Variants in ZSWIM6 observed in about 807,000 individuals in gnomAD.
ZSWIM6 encodes zinc finger SWIM domain-containing protein 6.
In ZSWIM6, 9 loss-of-function variants were observed where a neutral mutation model predicts 113.2. That is an observed-to-expected ratio of 0.08 (90% CI 0.05 to 0.14). The LOEUF is 0.14. ZSWIM6 is among the 10% of genes least tolerant of loss of function. The probability of loss-of-function intolerance (pLI) is 1.00; values close to 1 mark genes in which losing one functional copy is unlikely to be tolerated. For synonymous variants in ZSWIM6, 611 were observed against 606.5 expected, an observed-to-expected ratio of 1.01 and a Z score of -0.11; for missense variants, 1,162 against 1,552.2, an observed-to-expected ratio of 0.75 and a Z score of 4.22.
At chr5:61,429,215 GT>G (rs1392578286) in intron 1 of ZSWIM6, among the ~76,000 whole-genome samples, 1 of 152,182 alleles carries the variant, frequency 6.6e-6, no homozygotes, top group African/African-American at 2.4e-5. Context: ...AGGGGGTAGG[GT>G]TTGTTACAGA....
At chr5:61,455,786 C>T (rs865988594) in intron 1 of ZSWIM6, among the ~76,000 whole-genome samples, 15 of 151,126 alleles carry the variant, frequency 9.9e-5, no homozygotes, top group Admixed American at 6.6e-4. Flanking sequence ...TTAGATTCCC[C>T]GCCCCGGCCT....
intron 1 of ZSWIM6, chr5:61,391,353 C>T: frequency 4.8e-6 from 4 of 827,622 alleles, no homozygotes; most frequent in Non-Finnish European, 8.6e-6. Flanking sequence ...TCCTCTGGTG[C>T]AGAGGAAGCA....
chr5:61,424,062 T>C (rs759330469), intron 1 of ZSWIM6, among the ~76,000 whole-genome samples: 2 of 152,192 alleles, frequency 1.3e-5, no homozygotes, highest in Admixed American at 6.5e-5. Context: ...TCTGAGTTGC[T>C]ATCTCAAAAG....
intron 1 of ZSWIM6, among the ~76,000 whole-genome samples, chr5:61,434,328 C>T (rs1384692940): frequency 2.6e-5 from 4 of 151,274 alleles, no homozygotes; most frequent in Non-Finnish European, 5.9e-5. Flanking sequence ...TTTTGGGGAA[C>T]AGGTGGTTTT....
chr5:61,542,072 A>G (rs1210288728), intron 13 of ZSWIM6, 107 bp downstream of exon 13: 4 of 1,023,018 alleles, frequency 3.9e-6, no homozygotes, highest in African/African-American at 3.2e-5. Flanking sequence ...GACTTCTCCA[A>G]GGCTCCTTCT....
At chr5:61,412,011 A>G (rs1324857662) in intron 1 of ZSWIM6, among the ~76,000 whole-genome samples, 1 of 152,232 alleles carries the variant, frequency 6.6e-6, no homozygotes, top group Non-Finnish European at 1.5e-5. Flanking sequence ...TAACCACAAT[A>G]AATTGATTTA....
chr5:61,391,365 G>T, intron 1 of ZSWIM6: 1 of 830,134 alleles, frequency 1.2e-6, no homozygotes, highest in Non-Finnish European at 2.1e-6. Flanking sequence ...GAGGAAGCAG[G>T]CACATCTGGG....
Position 61,332,821 on chromosome 5 carries a change from CGCG to C in ZSWIM6, c.551_553del (p.Ala184del). 4 of 955,882 alleles carry C rather than the reference CGCG, an allele frequency of 4.2e-6. No homozygotes were observed. Among genetic ancestry groups the C allele is most frequent in the Non-Finnish European group, 5.0e-6 (4 of 807,756 alleles). The allele number at this position is 955,882 out of a possible 1,614,324, so 59.2% of individuals were successfully genotyped here. Reference sequence around the variant, plus strand: ...CCGCCGCCGCCGCCGCCGCCGCCGCCGCGGGGGCCGGGGCCCCGTCGGTGGGGG... The same window carrying C: ...CCGCCGCCGCCGCCGCCGCCGCCGCCGGGGCCGGGGCCCCGTCGGTGGGGG... On this transcript the variant is annotated inframe_deletion, in exon 1 of 14. Transcript: ENST00000252744.
intron 1 of ZSWIM6, chr5:61,375,116 G>C: frequency 1.2e-6 from 2 of 1,609,176 alleles, no homozygotes; most frequent in East Asian, 4.5e-5. Flanking sequence ...AGCACCATGG[G>C]GAAGCGGGAC....
rs1749850813 is a variant in ZSWIM6, at chr5:61,545,089, A to C, written c.*772A>C. On this transcript the variant is annotated 3_prime_UTR_variant, in exon 14 of 14. Coordinates refer to ENST00000252744, the MANE Select transcript of ZSWIM6 (RefSeq NM_020928.2). ...TGGTTTTAAACAAAAACAAAAAAAA[A>C]ACTGAGAGAAAACCTATCAGAAGGA... 6.6e-6 allele frequency: 1 copy of C among 151,626 alleles called. No homozygotes were observed. The highest frequency in any genetic ancestry group is 1.5e-5 in the Non-Finnish European group (1 of 67,950). 9.4% of individuals were successfully genotyped at this position (151,626 alleles called of 1,614,324 possible). A position where few individuals can be genotyped will look rare whatever the true frequency, so the allele number is the denominator to read the frequency against.
chr5:61,353,285 A>T (rs1395540487), intron 1 of ZSWIM6, among the ~76,000 whole-genome samples: 1 of 152,184 alleles, frequency 6.6e-6, no homozygotes, highest in Non-Finnish European at 1.5e-5. Flanking sequence ...CCTTTTGGGT[A>T]GTACCAGTTC....
chr5:61,521,525 G>A, intron 5 of ZSWIM6, 83 bp downstream of exon 5: 1 of 1,162,976 alleles, frequency 8.6e-7, no homozygotes, highest in Non-Finnish European at 1.1e-6. Flanking sequence ...CAATGTATAT[G>A]GGAAAATGAT....
chr5:61,407,371 T>A (rs1746065690), intron 1 of ZSWIM6, among the ~76,000 whole-genome samples: 1 of 152,178 alleles, frequency 6.6e-6, no homozygotes, highest in Non-Finnish European at 1.5e-5. Context: ...ACTGGAAAAT[T>A]ATTCTACAAA....
intron 1 of ZSWIM6, among the ~76,000 whole-genome samples, chr5:61,459,615 A>G (rs1747282230): frequency 1.3e-5 from 2 of 152,210 alleles, no homozygotes; most frequent in South Asian, 4.1e-4. Flanking sequence ...GCTTCTCACA[A>G]TAGAACTCTC....
At chr5:61,410,750 T>C (rs1427583376) in intron 1 of ZSWIM6, among the ~76,000 whole-genome samples, 1 of 152,200 alleles carries the variant, frequency 6.6e-6, no homozygotes, top group African/African-American at 2.4e-5. Flanking sequence ...AACTCAAATA[T>C]TAAGGTCATT....
intron 1 of ZSWIM6, among the ~76,000 whole-genome samples, chr5:61,457,964 A>T (rs185460682): frequency 5.3e-5 from 8 of 152,322 alleles, no homozygotes; most frequent in Non-Finnish European, 8.8e-5. Context: ...GTTATTTCTC[A>T]AATTTCCCCC....
intron 1 of ZSWIM6, among the ~76,000 whole-genome samples, chr5:61,466,494 A>G (rs1747438738): frequency 6.6e-6 from 1 of 152,198 alleles, no homozygotes; most frequent in South Asian, 2.1e-4. Flanking sequence ...GTATTTGTGT[A>G]AGTACTACAC....
At chr5:61,411,291 A>G (rs1445643177) in intron 1 of ZSWIM6, among the ~76,000 whole-genome samples, 2 of 152,338 alleles carry the variant, frequency 1.3e-5, no homozygotes, top group East Asian at 1.9e-4. Flanking sequence ...GTGTGACTCA[A>G]TTGTTTTTTA....
At chr5:61,502,756 G>A (rs986473098) in intron 4 of ZSWIM6, among the ~76,000 whole-genome samples, 4 of 152,224 alleles carry the variant, frequency 2.6e-5, no homozygotes, top group African/African-American at 9.6e-5. Context: ...CAGATCAGCA[G>A]TGGCATTAGA....
Sources: allele counts gnomAD v4.1 joint callset (sites outside exome capture counted in the v4.1 genomes callset), GRCh38; gene constraint gnomAD v4.1.1; transcripts MANE v1.5; gene names NCBI Gene and HGNC (gene_info 2026-07-23, HGNC 2026-07-21).